Variants in ARHGEF3 observed in about 807,000 individuals in gnomAD.
ARHGEF3 encodes the protein Rho guanine nucleotide exchange factor 3.
A neutral mutation model predicts 63.2 loss-of-function variants in ARHGEF3; 28 were observed. The observed-to-expected ratio is 0.44, with a 90% CI of 0.33 to 0.61. The LOEUF is 0.61. Ranked by LOEUF, ARHGEF3 falls within the 20% of genes least tolerant of loss-of-function variation. The probability of loss-of-function intolerance (pLI) is 0.03; values close to 1 mark genes in which losing one functional copy is unlikely to be tolerated. For missense variants in ARHGEF3, 533 were observed against 659.3 expected (o/e 0.81, Z 2.10); for synonymous variants, 266 against 254.2 (o/e 1.05, Z -0.44).
chr3:56,953,718 CAT>C (rs1315631317), intron 3 of ARHGEF3, among the ~76,000 whole-genome samples: 2 of 152,178 alleles, frequency 1.3e-5, no homozygotes, highest in Non-Finnish European at 2.9e-5. Context: ...ACTGGGATTT[CAT>C]AGATGGATCC....
At chr3:56,757,584 A>G (rs1020873338) in intron 2 of ARHGEF3, among the ~76,000 whole-genome samples, 1 of 152,240 alleles carries the variant, frequency 6.6e-6, no homozygotes, top group African/African-American at 2.4e-5. Flanking sequence ...TAAAATCAGG[A>G]TTAAAAATCT....
intron 3 of ARHGEF3, among the ~76,000 whole-genome samples, chr3:56,884,158 A>T (rs2040850395): frequency 1.3e-5 from 2 of 152,158 alleles, no homozygotes; most frequent in African/African-American, 4.8e-5. Context: ...TCTCAACTCT[A>T]AGGTGTGAGC....
intron 1 of ARHGEF3, among the ~76,000 whole-genome samples, chr3:56,787,791 G>A (rs2036897581): frequency 6.6e-6 from 1 of 152,046 alleles, no homozygotes; most frequent in Non-Finnish European, 1.5e-5. Flanking sequence ...TGCTTTCTGT[G>A]CATTATTTCC....
chr3:56,795,361 G>A (rs2037297259), intron 1 of ARHGEF3, among the ~76,000 whole-genome samples: 2 of 151,956 alleles, frequency 1.3e-5, no homozygotes, highest in Non-Finnish European at 2.9e-5. Flanking sequence ...GGCTGGATTT[G>A]TTTGCTTCAT....
intron 2 of ARHGEF3, among the ~76,000 whole-genome samples, chr3:57,023,909 G>T (rs752402286): frequency 1.3e-5 from 2 of 152,152 alleles, no homozygotes; most frequent in Non-Finnish European, 2.9e-5. Context: ...CACAAGAGTC[G>T]GCCTGTGCCA....
intron 2 of ARHGEF3, among the ~76,000 whole-genome samples, chr3:56,991,398 A>G (rs2106951021): frequency 6.6e-6 from 1 of 152,354 alleles, no homozygotes. Context: ...GAAATAAAGT[A>G]TAACTTTTCA....
chr3:56,745,675 A>G (rs899213780), intron 6 of ARHGEF3, among the ~76,000 whole-genome samples: 4 of 151,722 alleles, frequency 2.6e-5, no homozygotes, highest in Non-Finnish European at 5.9e-5. Context: ...TTCACAAAGC[A>G]ATTTTTTTTT....
chr3:57,028,980 G>GACAC (rs58006138), intron 2 of ARHGEF3, among the ~76,000 whole-genome samples: 3,410 of 142,210 alleles, frequency 0.024, 79 homozygotes, highest in African/African-American at 0.055. Context: ...TAATGGTGAA[G>GACAC]ACACACACAC....
intron 2 of ARHGEF3, among the ~76,000 whole-genome samples, chr3:57,029,635 GA>G (rs1703646505): frequency 6.6e-6 from 1 of 152,078 alleles, no homozygotes; most frequent in Non-Finnish European, 1.5e-5. Context: ...CCATTTAACT[GA>G]GGTTAAGCCA....
At chr3:56,946,531 T>C (rs1233214319) in intron 3 of ARHGEF3, among the ~76,000 whole-genome samples, 1 of 152,104 alleles carries the variant, frequency 6.6e-6, no homozygotes, top group Non-Finnish European at 1.5e-5. Flanking sequence ...GTATCAGTGA[T>C]GGAACATCAA....
At chr3:56,969,748 G>A (rs1419452433) in intron 2 of ARHGEF3, among the ~76,000 whole-genome samples, 4 of 51,970 alleles carry the variant, frequency 7.7e-5, no homozygotes, top group Admixed American at 6.0e-4. Flanking sequence ...GTGAGACTCC[G>A]TATCAAAAAA....
At chr3:56,879,240 C>A (rs1578744912) in intron 4 of ARHGEF3, among the ~76,000 whole-genome samples, 2 of 152,232 alleles carry the variant, frequency 1.3e-5, no homozygotes, top group African/African-American at 4.8e-5. Context: ...CAGTGGAAAA[C>A]TGTCTTCCAC....
At chr3:56,794,964 T>C in intron 1 of ARHGEF3, among the ~76,000 whole-genome samples, 1 of 152,080 alleles carries the variant, frequency 6.6e-6, no homozygotes, top group East Asian at 1.9e-4. Context: ...GCTCCAGCAA[T>C]TCTCCCACCT....
At chr3:56,974,959 C>G (rs1205685359) in intron 2 of ARHGEF3, among the ~76,000 whole-genome samples, 2 of 152,140 alleles carry the variant, frequency 1.3e-5, no homozygotes, top group Non-Finnish European at 2.9e-5. Context: ...GAGGGCCCCT[C>G]CTCCTTGTTT....
chr3:56,818,459 T>C (rs1036737287), intron 4 of ARHGEF3, among the ~76,000 whole-genome samples: 1 of 152,160 alleles, frequency 6.6e-6, no homozygotes, highest in African/African-American at 2.4e-5. Flanking sequence ...ATTCCTCCTC[T>C]TGAAATGACT....
At chr3:56,942,275 A>AT (rs1699225697) in intron 3 of ARHGEF3, among the ~76,000 whole-genome samples, 1 of 152,174 alleles carries the variant, frequency 6.6e-6, no homozygotes, top group Admixed American at 6.5e-5. Flanking sequence ...TATCAGTGCC[A>AT]TTTTTTCCAA....
intron 2 of ARHGEF3, among the ~76,000 whole-genome samples, chr3:56,970,580 C>A (rs1475351301): frequency 6.6e-6 from 1 of 152,192 alleles, no homozygotes; most frequent in Non-Finnish European, 1.5e-5. Context: ...CCCACTTCCC[C>A]CTCCAACCCC....
chr3:56,981,906 C>G (rs1301809990), intron 2 of ARHGEF3, among the ~76,000 whole-genome samples: 1 of 152,184 alleles, frequency 6.6e-6, no homozygotes, highest in Admixed American at 6.5e-5. Context: ...TGGGGGATGC[C>G]CTCTCCCCTT....
Position 56,729,236 on chromosome 3 carries a change from T to C in ARHGEF3, c.*34A>G, listed in dbSNP as rs774631357. 7.0e-6 allele frequency: 11 copies of C among 1,570,994 alleles called. No individual in the cohort carries two copies. In the South Asian group the frequency reaches 1.2e-4, roughly 17 times the overall value. On this transcript the variant is annotated 3_prime_UTR_variant, in exon 10 of 10. Transcript: ENST00000296315. ...GAATGCAAATACTGTACAGGTAAGA[T>C]GCAGGCCTGCTTCCCGAAGTGCACA...
Sources: allele counts gnomAD v4.1 joint callset (sites outside exome capture counted in the v4.1 genomes callset), GRCh38; gene constraint gnomAD v4.1.1; transcripts MANE v1.5; gene names NCBI Gene and HGNC (gene_info 2026-07-23, HGNC 2026-07-21).